Variants in MB21D2 observed in about 807,000 individuals in gnomAD.
The protein encoded by MB21D2 is nucleotidyltransferase MB21D2.
A neutral mutation model predicts 33.3 loss-of-function variants in MB21D2; 9 were observed. The observed-to-expected ratio is 0.27, with a 90% CI of 0.16 to 0.47. The LOEUF (loss-of-function observed/expected upper bound fraction) is 0.47, where lower values mean the gene tolerates loss of function less well. Ranked by LOEUF, MB21D2 falls within the 20% of genes least tolerant of loss-of-function variation. The pLI is 0.99. For synonymous variants in MB21D2, 241 were observed against 236.3 expected, an observed-to-expected ratio of 1.02 and a Z score of -0.18; for missense variants, 540 against 624.6, an observed-to-expected ratio of 0.86 and a Z score of 1.44.
chr3:192,818,389 C>T (rs974065427), intron 1 of MB21D2, among the ~76,000 whole-genome samples: 8 of 152,140 alleles, frequency 5.3e-5, no homozygotes, highest in African/African-American at 1.9e-4. Context: ...ATTGCTTTCA[C>T]ATGCAATTTT....
chr3:192,812,801 T>C (rs929999613), intron 1 of MB21D2, among the ~76,000 whole-genome samples: 2 of 152,200 alleles, frequency 1.3e-5, no homozygotes, highest in Non-Finnish European at 2.9e-5. Context: ...TATATAACTA[T>C]AGTGTGATCT....
chr3:192,808,657 C>T (rs1409700278), intron 1 of MB21D2, among the ~76,000 whole-genome samples: 2 of 152,182 alleles, frequency 1.3e-5, no homozygotes, highest in African/African-American at 2.4e-5. Flanking sequence ...GGTGGCTGCC[C>T]ATCCCAAGAA....
intron 1 of MB21D2, among the ~76,000 whole-genome samples, chr3:192,801,868 T>G (rs1711568686): frequency 6.6e-6 from 1 of 152,210 alleles, no homozygotes; most frequent in Non-Finnish European, 1.5e-5. Context: ...CCAAACCACA[T>G]TAACCATGAA....
At chr3:192,807,241 A>G (rs1347655871) in intron 1 of MB21D2, among the ~76,000 whole-genome samples, 2 of 151,968 alleles carry the variant, frequency 1.3e-5, no homozygotes, top group African/African-American at 4.8e-5. Context: ...AGCCCTACCT[A>G]GCAGCTTCCC....
intron 1 of MB21D2, among the ~76,000 whole-genome samples, chr3:192,854,622 A>G (rs1040374158): frequency 6.6e-6 from 1 of 152,246 alleles, no homozygotes; most frequent in African/African-American, 2.4e-5. Flanking sequence ...TTCAGAGAAG[A>G]TGTCAATGCA....
chr3:192,841,725 T>C (rs1460554562), intron 1 of MB21D2, among the ~76,000 whole-genome samples: 1 of 152,250 alleles, frequency 6.6e-6, no homozygotes, highest in Non-Finnish European at 1.5e-5. Context: ...ATGTATTTGT[T>C]GTTTTACAGT....
chr3:192,870,699 G>GGAAAAAAAAAAA (rs537267703), intron 1 of MB21D2, among the ~76,000 whole-genome samples: 1 of 41,670 alleles, frequency 2.4e-5, no homozygotes, highest in Non-Finnish European at 4.0e-5. Flanking sequence ...CGACTCCGTT[G>GGAAAAAAAAAAA]AAAAAAAAAA....
chr3:192,842,591 AATG>A (rs981386955), intron 1 of MB21D2, among the ~76,000 whole-genome samples: 1 of 152,258 alleles, frequency 6.6e-6, no homozygotes, highest in African/African-American at 2.4e-5. Context: ...AACTAATAAT[AATG>A]ATAATAAAAG....
At chr3:192,882,354 C>T (rs935527466) in intron 1 of MB21D2, among the ~76,000 whole-genome samples, 3 of 142,264 alleles carry the variant, frequency 2.1e-5, no homozygotes, top group Non-Finnish European at 4.5e-5. Flanking sequence ...GGATTACAGG[C>T]ATGAGCCACT....
At chr3:192,817,123 C>T (rs541687136) in intron 1 of MB21D2, among the ~76,000 whole-genome samples, 2 of 152,320 alleles carry the variant, frequency 1.3e-5, no homozygotes, top group East Asian at 3.9e-4. Context: ...TATTCTATCA[C>T]TTCCCTCCCT....
At chr3:192,878,557 T>C (rs545380112) in intron 1 of MB21D2, among the ~76,000 whole-genome samples, 1 of 152,288 alleles carries the variant, frequency 6.6e-6, no homozygotes, top group East Asian at 1.9e-4. Context: ...ATTAAGCAAG[T>C]GAGGACTTTG....
At chr3:192,854,114 C>T (rs1254372239) in intron 1 of MB21D2, among the ~76,000 whole-genome samples, 1 of 152,116 alleles carries the variant, frequency 6.6e-6, no homozygotes, top group Non-Finnish European at 1.5e-5. Flanking sequence ...CACCCTAAGT[C>T]GAAAGACAGA....
At chr3:192,910,298 CAAAAAAAA>C (rs747554734) in intron 1 of MB21D2, among the ~76,000 whole-genome samples, 20 of 52,298 alleles carry the variant, frequency 3.8e-4, no homozygotes, top group South Asian at 6.5e-4. Flanking sequence ...ACCATCTCTA[CAAAAAAAA>C]AAAAAAAAAA....
chr3:192,803,528 A>G (rs1711597403), intron 1 of MB21D2, among the ~76,000 whole-genome samples: 1 of 152,072 alleles, frequency 6.6e-6, no homozygotes, highest in Non-Finnish European at 1.5e-5. Flanking sequence ...TTAGTCTGCA[A>G]TTTTACAAAC....
chr3:192,877,803 T>A (rs1391993327), intron 1 of MB21D2, among the ~76,000 whole-genome samples: 1 of 152,174 alleles, frequency 6.6e-6, no homozygotes, highest in African/African-American at 2.4e-5. Context: ...ATGCAAGTAC[T>A]GCAGACTGAT....
intron 1 of MB21D2, among the ~76,000 whole-genome samples, chr3:192,845,400 A>G (rs1187897664): frequency 1.3e-5 from 2 of 152,204 alleles, no homozygotes; most frequent in Non-Finnish European, 2.9e-5. Flanking sequence ...GTGGTAGAGA[A>G]CGTTTTGCAG....
intron 1 of MB21D2, among the ~76,000 whole-genome samples, chr3:192,897,069 T>A (rs1713991525): frequency 6.6e-6 from 1 of 152,226 alleles, no homozygotes; most frequent in East Asian, 1.9e-4. Context: ...AACGGGGAAA[T>A]TAATAGCAAA....
intron 1 of MB21D2, among the ~76,000 whole-genome samples, chr3:192,898,842 A>G (rs1158393453): frequency 6.6e-6 from 1 of 152,218 alleles, no homozygotes; most frequent in African/African-American, 2.4e-5. Context: ...CCTCCCCAAG[A>G]AGTGGAGATT....
intron 1 of MB21D2, among the ~76,000 whole-genome samples, chr3:192,894,964 G>C (rs939211189): frequency 2.6e-5 from 4 of 152,164 alleles, no homozygotes; most frequent in South Asian, 4.2e-4. Flanking sequence ...TCCCGAGCTC[G>C]TCTCATCTAA....
Sources: allele counts gnomAD v4.1 joint callset (sites outside exome capture counted in the v4.1 genomes callset), GRCh38; gene constraint gnomAD v4.1.1; transcripts MANE v1.5; gene names NCBI Gene and HGNC (gene_info 2026-07-23, HGNC 2026-07-21).